HSPA4: variants seen among roughly 807,000 people sequenced by gnomAD.
HSPA4 encodes the protein heat shock 70 kDa protein 4.
Under a neutral mutation model 106.2 loss-of-function variants are expected in HSPA4, and 25 were observed. The ratio of observed to expected loss-of-function variants is 0.24; its 90% CI spans 0.17 to 0.33. The LOEUF is 0.33. Ranked by LOEUF, HSPA4 falls within the 10% of genes least tolerant of loss-of-function variation. HSPA4 has a pLI of 1.00. For synonymous variants in HSPA4, 332 were observed against 333.6 expected (o/e 1.00, Z 0.05); for missense variants, 841 against 996.0 (o/e 0.84, Z 2.10).
intron 16 of HSPA4, among the ~76,000 whole-genome samples, chr5:133,100,424 C>G (rs1343468465): frequency 7.2e-6 from 1 of 138,268 alleles, no homozygotes; most frequent in Non-Finnish European, 1.6e-5. Flanking sequence ...TGAGACGGAG[C>G]CTTGCTCTGT....
chr5:133,082,253 G>C (rs1333346435), intron 7 of HSPA4, among the ~76,000 whole-genome samples: 1 of 152,130 alleles, frequency 6.6e-6, no homozygotes, highest in Non-Finnish European at 1.5e-5. Flanking sequence ...TTTAGTGATT[G>C]CCTAGGGCTG....
chr5:133,069,988 A>G (rs2126699868), intron 3 of HSPA4, among the ~76,000 whole-genome samples: 1 of 152,158 alleles, frequency 6.6e-6, no homozygotes. Flanking sequence ...CAACAAAGCA[A>G]GAACCCTGTC....
rs753150277 is a variant in HSPA4 at position 133,099,560 on chromosome 5, A to C, written c.1945A>C (p.Thr649Pro). Residue 649 changes from threonine to proline, a missense_variant, in exon 16 of 19, where the codon ACT (threonine) becomes CCT (proline). By Grantham distance (38) the Thr-to-Pro change is conservative. This residue lies in a region of HSPA4 where 328 missense variants were observed against 372.2 expected (regional missense o/e 0.88). Coordinates refer to ENST00000304858, the MANE Select transcript of HSPA4 (RefSeq NM_002154.4). ...FVSEDDRNSF[T>P]LKLEDTENWL... ...TTATCATTAGGATCGTAACAGTTTT[A>C]CTTTGAAACTGGAAGATACTGAAAA... The C allele has an allele frequency of 6.3e-7, 1 of 1,585,240 alleles. No homozygotes were observed.
intron 17 of HSPA4, among the ~76,000 whole-genome samples, 172 bp from the exon 18 acceptor site, chr5:133,103,693 C>A (rs1369863945): frequency 1.3e-5 from 2 of 152,032 alleles, no homozygotes; most frequent in African/African-American, 2.4e-5. Flanking sequence ...TGAGTGTATT[C>A]AAAAATTGTG....
At chr5:133,091,098 T>C (rs1348594246) in intron 11 of HSPA4, 95 bp from the exon 12 acceptor site, 3 of 1,043,994 alleles carry the variant, frequency 2.9e-6, no homozygotes, top group Non-Finnish European at 4.5e-6. Context: ...TGAGCTATCA[T>C]TGAAAGTAGA....
intron 15 of HSPA4, 131 bp downstream of exon 15, chr5:133,097,417 A>G: frequency 1.5e-6 from 1 of 659,754 alleles, no homozygotes; most frequent in Non-Finnish European, 2.5e-6. Flanking sequence ...GGGGGGGCAA[A>G]ATTTTATATT....
intron 7 of HSPA4, among the ~76,000 whole-genome samples, chr5:133,080,011 A>G (rs754278428): frequency 7.9e-5 from 12 of 151,722 alleles, no homozygotes; most frequent in Admixed American, 3.3e-4. Context: ...GTAACAATCT[A>G]TTTTCTTTTG....
intron 7 of HSPA4, among the ~76,000 whole-genome samples, chr5:133,077,990 A>G (rs1285978361): frequency 6.6e-6 from 1 of 152,166 alleles, no homozygotes; most frequent in African/African-American, 2.4e-5. Context: ...GATACTTATT[A>G]AGTAGTTTAA....
intron 1 of HSPA4, among the ~76,000 whole-genome samples, chr5:133,059,783 A>G (rs1300182575): frequency 1.3e-5 from 2 of 152,222 alleles, no homozygotes; most frequent in African/African-American, 4.8e-5. Context: ...TATCAAGTGT[A>G]GGATGCTTAG....
chr5:133,073,053 G>C (rs984898066), intron 4 of HSPA4, among the ~76,000 whole-genome samples, 177 bp from the exon 5 acceptor site: 2 of 152,070 alleles, frequency 1.3e-5, no homozygotes, highest in African/African-American at 4.8e-5. Context: ...GTAATGGTAC[G>C]GCTATTTGTT....
chr5:133,088,701 G>A, intron 9 of HSPA4, 146 bp downstream of exon 9: 1 of 661,592 alleles, frequency 1.5e-6, no homozygotes, highest in African/African-American at 1.8e-5. Flanking sequence ...TAGAGGTGAT[G>A]TTCCTAAAAA....
At position 133,052,241 on chromosome 5, in the gene HSPA4, A is replaced by T; in HGVS notation, c.-10A>T. ...GGACCCGGGCCCGAGCCCGAGCAGT[A>T]GCCGGCGCCATGTCGGTGGTGGGCA... On this transcript the variant is annotated 5_prime_UTR_variant, in exon 1 of 19. Coordinates refer to ENST00000304858, the MANE Select transcript of HSPA4 (RefSeq NM_002154.4). The T allele has an allele frequency of 6.4e-7, 1 of 1,571,890 alleles. No homozygotes were observed. The highest frequency in any genetic ancestry group is 2.3e-5 in the East Asian group (1 of 43,160).
chr5:133,080,100 A>C (rs774250549), intron 7 of HSPA4, among the ~76,000 whole-genome samples: 1 of 151,394 alleles, frequency 6.6e-6, no homozygotes, highest in African/African-American at 2.4e-5. Context: ...AGATGCCCAA[A>C]TGTTTTTGAT....
chr5:133,059,463 A>AC lies in HSPA4; in HGVS notation c.108-5517_108-5516insC, dbSNP rs201140667. Among the ~76,000 whole-genome samples, 7 of 150,606 alleles carry AC rather than the reference A, an allele frequency of 4.6e-5. 2 individuals are homozygous for AC. Among genetic ancestry groups the AC allele is most frequent in the Admixed American group, 6.6e-5 (1 of 15,160 alleles). On this transcript the variant is annotated intron_variant, in intron 1 of 18. Coordinates refer to ENST00000304858, the MANE Select transcript of HSPA4 (RefSeq NM_002154.4). ...ACTTTGTCTCAAAAAAAAAAAAAAA[A>AC]TTAGCTAGGCATGGTGGTACACACC... is the stretch of plus-strand genomic sequence containing the variant.
chr5:133,093,106 C>G (rs542006987), intron 13 of HSPA4, among the ~76,000 whole-genome samples: 1 of 151,574 alleles, frequency 6.6e-6, no homozygotes, highest in Non-Finnish European at 1.5e-5. Context: ...GCTAGTATTA[C>G]AGGCGTGAGC....
rs1004615866 is a variant in HSPA4, at chr5:133,052,149, C to T, written c.-102C>T. ...TGGACACCGCAAGCCCCTCAGTAGC[C>T]TCGGCCCAAGAGGCCTGCTTTCCAC... On this transcript the variant is annotated 5_prime_UTR_variant, in exon 1 of 19. Transcript: ENST00000304858. 4 of 766,882 alleles carry T rather than the reference C, an allele frequency of 5.2e-6. No individual in the cohort carries two copies. The highest frequency in any genetic ancestry group is 4.8e-5 in the Admixed American group (2 of 42,082). The allele number at this position is 766,882 out of a possible 1,614,324, so 47.5% of individuals were successfully genotyped here.
At chr5:133,069,767 G>A (rs1581468582) in intron 3 of HSPA4, among the ~76,000 whole-genome samples, 1 of 152,246 alleles carries the variant, frequency 6.6e-6, no homozygotes, top group African/African-American at 2.4e-5. Flanking sequence ...GAGGGACAGT[G>A]TGGGTCATGG....
chr5:133,092,415 G>A (rs1765657617), intron 12 of HSPA4, among the ~76,000 whole-genome samples: 1 of 152,168 alleles, frequency 6.6e-6, no homozygotes. Flanking sequence ...ATGCCACATT[G>A]TGAACTGTGA....
intron 11 of HSPA4, 29 bp from the exon 12 acceptor site, chr5:133,091,164 G>A: frequency 1.9e-6 from 3 of 1,568,996 alleles, no homozygotes; most frequent in Non-Finnish European, 2.6e-6. Flanking sequence ...CTTAGGTTAT[G>A]TGTTCTTTTG....
Sources: allele counts gnomAD v4.1 joint callset (sites outside exome capture counted in the v4.1 genomes callset), GRCh38; gene constraint gnomAD v4.1.1; regional missense constraint gnomAD v4.1.1; transcripts MANE v1.5; gene names NCBI Gene and HGNC (gene_info 2026-07-23, HGNC 2026-07-21).